The following HSPA4L variants were observed in gnomAD, a reference collection of about 807,000 sequenced individuals.
HSPA4L encodes the protein heat shock protein family A (Hsp70) member 4 like.
Under a neutral mutation model 100.3 loss-of-function variants are expected in HSPA4L, and 48 were observed. The observed-to-expected ratio is 0.48, with a 90% CI of 0.38 to 0.61. The LOEUF is 0.61. HSPA4L is among the 20% of genes least tolerant of loss of function. The pLI is 0.00. For synonymous variants in HSPA4L, 319 were observed against 328.2 expected (o/e 0.97, Z 0.30); for missense variants, 886 against 988.6 (o/e 0.90, Z 1.39).
chr4:127,802,828 A>G (rs751486505), intron 6 of HSPA4L, among the ~76,000 whole-genome samples: 1 of 152,160 alleles, frequency 6.6e-6, no homozygotes, highest in African/African-American at 2.4e-5. Context: ...GTGGGGCGAC[A>G]TTCCACGCAG....
At position 127,832,782 on chromosome 4, in the gene HSPA4L, A is replaced by G. The variant is rs756393820; in HGVS notation, c.2428A>G (p.Met810Val). The change falls in exon 19 of 19, where the codon ATG (methionine) becomes GTG (valine). Residue 810 changes from methionine to valine, a missense_variant. Transcript: ENST00000296464. ...PKANSEHNGPMDGQSGTETKS... is the reference protein window; with the variant it reads ...PKANSEHNGPVDGQSGTETKS... The stretch of plus-strand genomic sequence containing the variant: ...AGCTAATAGTGAACACAATGGCCCA[A>G]TGGATGGACAGAGTGGAACTGAAAC... 8.7e-6 allele frequency: 14 copies of G among 1,613,850 alleles called. No homozygotes were observed. Among genetic ancestry groups the G allele is most frequent in the African/African-American group, 4.0e-5 (3 of 75,044 alleles).
chr4:127,833,004 T>C lies in HSPA4L; in HGVS notation c.*130T>C. 4.8e-6 allele frequency: 3 copies of C among 623,352 alleles called. No individual in the cohort carries two copies. The highest frequency in any genetic ancestry group is 7.9e-6 in the Non-Finnish European group (3 of 382,118). The allele number at this position is 623,352 out of a possible 1,614,324, so 38.6% of individuals were successfully genotyped here. ...TTGTCATTTGTTTTTTGGAGTAGTT[T>C]TGAAAAGTGTTTTATATTGAGTGCA... On this transcript the variant is annotated 3_prime_UTR_variant, in exon 19 of 19. Coordinates refer to ENST00000296464, the MANE Select transcript of HSPA4L (RefSeq NM_014278.4).
intron 1 of HSPA4L, among the ~76,000 whole-genome samples, chr4:127,793,689 C>T (rs1290598735): frequency 6.6e-6 from 1 of 152,138 alleles, no homozygotes; most frequent in African/African-American, 2.4e-5. Flanking sequence ...CTGAAGCACC[C>T]AGTGGTTATG....
intron 4 of HSPA4L, among the ~76,000 whole-genome samples, chr4:127,800,114 A>T (rs1015523458): frequency 6.6e-6 from 1 of 152,234 alleles, no homozygotes; most frequent in Non-Finnish European, 1.5e-5. Context: ...GGGTGTATAC[A>T]TACGTACATC....
chr4:127,813,505 T>C (rs906854876), intron 12 of HSPA4L: 1 of 230,432 alleles, frequency 4.3e-6, no homozygotes, highest in African/African-American at 2.3e-5. Flanking sequence ...AACATAATAA[T>C]TGGTGAAAAG....
At chr4:127,803,112 G>C (rs3775982) in intron 6 of HSPA4L, among the ~76,000 whole-genome samples, 86,397 of 151,814 alleles carry the variant, frequency 0.57, 25,755 homozygotes, top group Middle Eastern at 0.79. Context: ...TTGGTTTTTT[G>C]GTTGTGTTTT....
At chr4:127,832,558 C>A in intron 18 of HSPA4L, 125 bp from the exon 19 acceptor site, 1 of 805,036 alleles carries the variant, frequency 1.2e-6, no homozygotes, top group South Asian at 2.0e-5. Flanking sequence ...AGTTGGCTAT[C>A]TAGCTGAGCA....
At chr4:127,799,947 A>G (rs558973258) in intron 4 of HSPA4L, among the ~76,000 whole-genome samples, 3 of 152,366 alleles carry the variant, frequency 2.0e-5, no homozygotes, top group East Asian at 3.9e-4. Context: ...AATCTGTTCA[A>G]TGAAATTTCT....
Position 127,798,726 on chromosome 4 carries a change from TAATG to T in HSPA4L, c.429+21_429+24del, listed in dbSNP as rs1293540782. 1.9e-6 allele frequency: 3 copies of T among 1,610,700 alleles called. No individual in the cohort carries two copies. Among genetic ancestry groups the T allele is most frequent in the African/African-American group, 2.7e-5 (2 of 74,846 alleles). On this transcript the variant is annotated intron_variant, in intron 4 of 18. Transcript: ENST00000296464. ...GTGATTTCAGTAAGTTTTACTTCAG[TAATG>T]AATACCCTTGAATTATATTTTACAG...
At chr4:127,812,791 G>A (rs4092443) in intron 12 of HSPA4L, 2 of 1,454,694 alleles carry the variant, frequency 1.4e-6, no homozygotes, top group South Asian at 2.3e-5. Flanking sequence ...AAAGTGTGCT[G>A]CTCTGGGTGG....
At chr4:127,806,598 T>C (rs1295947081) in intron 10 of HSPA4L, among the ~76,000 whole-genome samples, 1 of 152,026 alleles carries the variant, frequency 6.6e-6, no homozygotes, top group East Asian at 1.9e-4. Context: ...AATGTTTCCC[T>C]CTGTCATAAG....
intron 8 of HSPA4L, 84 bp downstream of exon 8, chr4:127,804,171 A>G: frequency 9.3e-7 from 1 of 1,077,802 alleles, no homozygotes; most frequent in Non-Finnish European, 1.4e-6. Flanking sequence ...ATAAATTTTT[A>G]AAACTTTGTT....
chr4:127,797,334 T>C (rs1733048489), intron 3 of HSPA4L, among the ~76,000 whole-genome samples: 3 of 152,140 alleles, frequency 2.0e-5, no homozygotes, highest in Non-Finnish European at 1.5e-5. Context: ...ATTTTGTAAG[T>C]AGTTTAACTT....
At chr4:127,805,340 T>C (rs1733324166) in intron 9 of HSPA4L, 116 bp downstream of exon 9, 1 of 749,532 alleles carries the variant, frequency 1.3e-6, no homozygotes, top group Non-Finnish European at 2.1e-6. Context: ...TAAAGTAAAT[T>C]GAAGTTATTT....
chr4:127,829,929 G>T (rs1038156479), intron 17 of HSPA4L, among the ~76,000 whole-genome samples: 21 of 148,566 alleles, frequency 1.4e-4, no homozygotes, highest in Admixed American at 1.2e-3. Context: ...AATAAAAGCA[G>T]AAGGAGGATT....
At chr4:127,800,386 T>G (rs1733142185) in intron 4 of HSPA4L, among the ~76,000 whole-genome samples, 1 of 152,136 alleles carries the variant, frequency 6.6e-6, no homozygotes, top group African/African-American at 2.4e-5. Context: ...AAGGATTGCT[T>G]GAGCCCAGGA....
At chr4:127,813,278 T>G in intron 12 of HSPA4L, 1 of 725,374 alleles carries the variant, frequency 1.4e-6, no homozygotes, top group Non-Finnish European at 2.4e-6. Flanking sequence ...AGTTTCTCCC[T>G]TTTTTTAAGG....
intron 1 of HSPA4L, among the ~76,000 whole-genome samples, chr4:127,789,568 A>G (rs536986504): frequency 4.8e-4 from 73 of 152,258 alleles, no homozygotes; most frequent in African/African-American, 1.7e-3. Flanking sequence ...GAATGGCGTG[A>G]ACCCGGGAGG....
rs1338642093 is a variant in HSPA4L, at chr4:127,837,616, C to T, written c.*4742C>T. 1 of 151,978 alleles carries T rather than the reference C, an allele frequency of 6.6e-6. No homozygotes were observed. Among genetic ancestry groups the T allele is most frequent in the Non-Finnish European group, 1.5e-5 (1 of 67,984 alleles). The allele number at this position is 151,978 out of a possible 1,614,324, so 9.4% of individuals were successfully genotyped here. A position where few individuals can be genotyped will look rare whatever the true frequency, so the allele number is the denominator to read the frequency against. On this transcript the variant is annotated 3_prime_UTR_variant, in exon 19 of 19. Coordinates refer to ENST00000296464, the MANE Select transcript of HSPA4L (RefSeq NM_014278.4). ...TTAACATTATACCTTTTGGTTTTTGCCCAACATTTGATTTAATCTAAAGCA... is the reference window on the plus strand; with the variant it reads ...TTAACATTATACCTTTTGGTTTTTGTCCAACATTTGATTTAATCTAAAGCA...
Sources: allele counts gnomAD v4.1 joint callset (sites outside exome capture counted in the v4.1 genomes callset), GRCh38; gene constraint gnomAD v4.1.1; transcripts MANE v1.5; gene names NCBI Gene and HGNC (gene_info 2026-07-23, HGNC 2026-07-21).